The following DNAH5 variants were observed in gnomAD, a reference collection of about 807,000 sequenced individuals.
DNAH5 encodes the protein dynein axonemal heavy chain 5.
In DNAH5, 372 loss-of-function variants were observed where a neutral mutation model predicts 518.2. That is an observed-to-expected ratio of 0.72 (90% CI 0.66 to 0.78). The LOEUF (loss-of-function observed/expected upper bound fraction) is 0.78, where lower values mean the gene tolerates loss of function less well. Ranked by LOEUF, DNAH5 falls within the 30% of genes least tolerant of loss-of-function variation. DNAH5 has a pLI of 0.00. For synonymous variants in DNAH5, 2,039 were observed against 2,025.9 expected, an observed-to-expected ratio of 1.01 and a Z score of -0.17; for missense variants, 5,523 against 5,687.0, an observed-to-expected ratio of 0.97 and a Z score of 0.93.
At chr5:13,874,839 G>A (rs1182567503) in intron 22 of DNAH5, among the ~76,000 whole-genome samples, 9 of 152,070 alleles carry the variant, frequency 5.9e-5, no homozygotes, top group Non-Finnish European at 8.8e-5. Context: ...TTTAAGCCAG[G>A]TTGTGTTAGA....
chr5:13,951,745 G>C (rs1780431514), intron 1 of DNAH5, among the ~76,000 whole-genome samples: 1 of 152,128 alleles, frequency 6.6e-6, no homozygotes, highest in Admixed American at 6.5e-5. Flanking sequence ...GACAGCTGTG[G>C]AAAGGAAAGT....
intron 1 of DNAH5, among the ~76,000 whole-genome samples, chr5:13,995,611 T>G (rs957791945): frequency 1.3e-5 from 2 of 152,096 alleles, no homozygotes; most frequent in African/African-American, 4.8e-5. Flanking sequence ...TTTTTTAAAC[T>G]GACAACACAA....
intron 30 of DNAH5, among the ~76,000 whole-genome samples, chr5:13,851,836 C>G (rs1766895937): frequency 6.6e-6 from 1 of 152,044 alleles, no homozygotes; most frequent in Admixed American, 6.6e-5. Context: ...AAGATCAACA[C>G]AGAAGGCAGA....
chr5:13,838,330 G>A (rs988101383), intron 35 of DNAH5, among the ~76,000 whole-genome samples: 47 of 152,232 alleles, frequency 3.1e-4, no homozygotes, highest in African/African-American at 9.6e-4. Flanking sequence ...GTTAGGAACC[G>A]GGCCACACAG....
chr5:13,944,296 C>T (rs1779730611), intron 1 of DNAH5, 86 bp downstream of exon 1: 1 of 1,358,112 alleles, frequency 7.4e-7, no homozygotes. Flanking sequence ...TGACTTTGAA[C>T]CTTTTTCAAG....
chr5:13,778,170 C>A (rs1004352507), intron 53 of DNAH5, among the ~76,000 whole-genome samples: 30 of 152,112 alleles, frequency 2.0e-4, no homozygotes, highest in African/African-American at 6.7e-4. Flanking sequence ...TTAACTCTAC[C>A]TTTTTCTAAC....
chr5:13,701,207 T>C (rs1161816226), intron 77 of DNAH5, 77 bp downstream of exon 77: 10 of 1,580,716 alleles, frequency 6.3e-6, no homozygotes, highest in South Asian at 1.1e-5. Context: ...CTTATTATAG[T>C]CTTTAAAACT....
At chr5:13,827,741 C>T (rs1475300391) in intron 38 of DNAH5, among the ~76,000 whole-genome samples, 3 of 151,888 alleles carry the variant, frequency 2.0e-5, no homozygotes, top group East Asian at 2.0e-4. Context: ...AATCTCATCC[C>T]GAAGTGTAGT....
intron 2 of DNAH5, 47 bp downstream of exon 2, chr5:13,931,063 T>C (rs370979232): frequency 3.7e-5 from 59 of 1,613,536 alleles, no homozygotes; most frequent in Non-Finnish European, 4.6e-5. Flanking sequence ...CAACAGACCA[T>C]CTGTGCCCTC....
intron 22 of DNAH5, 82 bp from the exon 23 acceptor site, chr5:13,871,847 G>A (rs569154525): frequency 8.2e-6 from 10 of 1,225,018 alleles, no homozygotes; most frequent in East Asian, 7.2e-5. Flanking sequence ...CCAACTGCTG[G>A]TGGTTCCTAT....
intron 76 of DNAH5, among the ~76,000 whole-genome samples, chr5:13,706,946 T>C (rs1742863817): frequency 6.6e-6 from 1 of 152,180 alleles, no homozygotes; most frequent in Non-Finnish European, 1.5e-5. Flanking sequence ...CCCAAAGACC[T>C]ACCTAAGTGA....
intron 1 of DNAH5, among the ~76,000 whole-genome samples, chr5:13,963,852 C>G (rs1394429860): frequency 6.6e-6 from 1 of 152,102 alleles, no homozygotes; most frequent in Non-Finnish European, 1.5e-5. Flanking sequence ...CCACGCCCAG[C>G]TAATTTTTAT....
rs1060504237 is a variant in DNAH5 at position 13,870,848 on chromosome 5, A to G, written c.3753T>C (p.Asp1251=). The change falls in exon 24 of 79, where the codon GAT becomes GAC. Residue 1251 remains aspartate, a synonymous_variant. Coordinates refer to ENST00000265104, the MANE Select transcript of DNAH5 (RefSeq NM_001369.3). ...KKLNRPIKDL[D]DIRIAMAALK... is the part of the protein sequence containing the mutation. ...GCGCTGCCATTGCAATCCGAATATC[A>G]TCTAGGTCCTTAATTGGACGATTTA... 6.2e-7 allele frequency: 1 copy of G among 1,613,882 alleles called. No homozygotes were observed.
At position 13,841,854 on chromosome 5, in the gene DNAH5, T is replaced by C; in HGVS notation, c.5322A>G (p.Glu1774=). The C allele has an allele frequency of 6.2e-7, 1 of 1,608,738 alleles. No homozygotes were observed. Among genetic ancestry groups the C allele is most frequent in the Non-Finnish European group, 8.5e-7 (1 of 1,178,994 alleles). Residue 1774 remains glutamate (E), a synonymous_variant, in exon 33 of 79, where the codon GAA becomes GAG. Transcript: ENST00000265104. ...SISSQEGETI[E]LDKPVMAEGN... is the part of the protein sequence containing the mutation. The stretch of plus-strand genomic sequence containing the variant: ...CCTCTGCCATGACAGGTTTATCCAA[T>C]TCAATCGTCTCACCCTCTTGAGAGG...
At chr5:13,978,715 G>C (rs1324646324) in intron 1 of DNAH5, among the ~76,000 whole-genome samples, 1 of 152,170 alleles carries the variant, frequency 6.6e-6, no homozygotes, top group African/African-American at 2.4e-5. Flanking sequence ...AGGGGCAATA[G>C]GCTATGCCAT....
intron 76 of DNAH5, 79 bp from the exon 77 acceptor site, chr5:13,701,515 A>G: frequency 7.8e-7 from 1 of 1,285,632 alleles, no homozygotes; most frequent in Non-Finnish European, 1.1e-6. Flanking sequence ...ACTGAAAAAA[A>G]AAAAAGATGA....
chr5:13,853,051 C>A (rs1299330265), intron 30 of DNAH5, among the ~76,000 whole-genome samples: 1 of 152,236 alleles, frequency 6.6e-6, no homozygotes, highest in Admixed American at 6.5e-5. Context: ...CAAGTGGGTC[C>A]CTGACCCCGT....
chr5:13,730,522 C>T (rs935820075), intron 68 of DNAH5, among the ~76,000 whole-genome samples: 1 of 152,076 alleles, frequency 6.6e-6, no homozygotes, highest in Non-Finnish European at 1.5e-5. Context: ...GCAAGCTCCG[C>T]CTCCCAGGTT....
intron 35 of DNAH5, among the ~76,000 whole-genome samples, chr5:13,837,233 G>C (rs1342298280): frequency 6.6e-6 from 1 of 152,222 alleles, no homozygotes; most frequent in East Asian, 1.9e-4. Context: ...GCAATACAAA[G>C]TTAGCAGAGA....
Sources: gnomAD v4.1 joint callset for allele counts (sites outside exome capture counted in the v4.1 genomes callset) on GRCh38, gnomAD v4.1.1 for gene constraint, MANE v1.5 for transcripts, NCBI Gene and HGNC (gene_info 2026-07-23, HGNC 2026-07-21) for gene names.